The following AKAP7 variants were observed in gnomAD, a reference collection of about 807,000 sequenced individuals.
AKAP7 encodes A-kinase anchoring protein 7.
A neutral mutation model predicts 39.5 loss-of-function variants in AKAP7; 39 were observed. The ratio of observed to expected loss-of-function variants is 0.99; its 90% CI spans 0.76 to 1.29. The LOEUF is 1.29. Among genes scored for constraint, AKAP7 ranks in the 50% most tolerant of loss-of-function variants. The pLI is 0.00. For missense variants in AKAP7, 414 were observed against 407.7 expected (o/e 1.02, Z -0.13); for synonymous variants, 140 against 139.1 (o/e 1.01, Z -0.05).
chr6:131,223,156 A>G (rs1053114216), intron 7 of AKAP7, among the ~76,000 whole-genome samples: 2 of 152,256 alleles, frequency 1.3e-5, no homozygotes, highest in Non-Finnish European at 2.9e-5. Context: ...ATGTACTAGG[A>G]AACCAAAAAA....
intron 3 of AKAP7, among the ~76,000 whole-genome samples, chr6:131,163,852 C>G (rs923569799): frequency 6.6e-6 from 1 of 151,596 alleles, no homozygotes; most frequent in Non-Finnish European, 1.5e-5. Flanking sequence ...GGTTAGACAC[C>G]AAGGGTGGGG....
intron 7 of AKAP7, among the ~76,000 whole-genome samples, chr6:131,241,537 G>T (rs1299537883): frequency 3.3e-5 from 5 of 150,370 alleles, no homozygotes; most frequent in Non-Finnish European, 7.4e-5. Flanking sequence ...CCAATTAAGG[G>T]GCTTGTTGAG....
Position 131,160,157 on chromosome 6 carries a change from C to T in AKAP7, c.250C>T (p.Gln84Ter). 6.2e-7 allele frequency: 1 copy of T among 1,611,910 alleles called. No individual in the cohort carries two copies. The change falls in exon 3 of 8, where the codon CAA becomes TAA. Residue 84 changes from glutamine (Q) to a stop codon, truncating the protein, a stop_gained. Coordinates refer to ENST00000431975, the MANE Select transcript of AKAP7 (RefSeq NM_016377.4). LOFTEE classifies it high-confidence loss of function. The part of the protein sequence containing the change: ...KKRKKKRKDY[Q>*]PNYFLSIPIT... ...GAGGAAAAAAAAGAGAAAAGATTAT[C>T]AACCCAACTATTTCCTGTCCATTCC... is the stretch of plus-strand genomic sequence containing the variant.
intron 7 of AKAP7, among the ~76,000 whole-genome samples, chr6:131,245,260 T>C (rs1005045842): frequency 1.3e-5 from 2 of 150,704 alleles, no homozygotes; most frequent in African/African-American, 2.4e-5. Context: ...TTTTTTTTTT[T>C]CTTGAGATGG....
intron 2 of AKAP7, among the ~76,000 whole-genome samples, chr6:131,154,475 T>A (rs1041774848): frequency 1.3e-5 from 2 of 151,018 alleles, no homozygotes; most frequent in South Asian, 2.1e-4. Context: ...CCTGTTTTTT[T>A]TTTTTTTTTT....
intron 7 of AKAP7, among the ~76,000 whole-genome samples, chr6:131,270,178 A>G (rs1562256590): frequency 2.0e-5 from 3 of 152,188 alleles, no homozygotes; most frequent in Non-Finnish European, 4.4e-5. Flanking sequence ...CACAATCAAG[A>G]TTGTGAACAG....
At chr6:131,253,901 G>A (rs1463222234) in intron 7 of AKAP7, among the ~76,000 whole-genome samples, 2 of 151,952 alleles carry the variant, frequency 1.3e-5, no homozygotes, top group Non-Finnish European at 1.5e-5. Flanking sequence ...GGTTGATTCC[G>A]TATTTGGCTC....
intron 2 of AKAP7, among the ~76,000 whole-genome samples, chr6:131,150,690 A>G (rs1801842155): frequency 6.6e-6 from 1 of 152,216 alleles, no homozygotes; most frequent in African/African-American, 2.4e-5. Flanking sequence ...TGAGTGTGTT[A>G]TGTACCAGGT....
chr6:131,230,454 C>T (rs1376879379), intron 7 of AKAP7, among the ~76,000 whole-genome samples: 2 of 151,702 alleles, frequency 1.3e-5, no homozygotes, highest in Admixed American at 1.3e-4. Flanking sequence ...TTTTCTTTTA[C>T]GTGTTGATTT....
At chr6:131,250,213 C>G in intron 7 of AKAP7, 1 of 1,012,318 alleles carries the variant, frequency 9.9e-7, no homozygotes, top group Non-Finnish European at 1.2e-6. Flanking sequence ...TCTCGACTAC[C>G]TTTCTTAAAG....
intron 6 of AKAP7, among the ~76,000 whole-genome samples, chr6:131,219,309 T>A (rs1187735442): frequency 5.3e-5 from 8 of 150,194 alleles, no homozygotes; most frequent in Non-Finnish European, 1.0e-4. Context: ...AAAAAAAAAA[T>A]TATCCATTTC....
At chr6:131,179,813 G>A (rs182949867) in intron 5 of AKAP7, among the ~76,000 whole-genome samples, 251 of 151,912 alleles carry the variant, frequency 1.7e-3, no homozygotes, top group Middle Eastern at 6.8e-3. Context: ...AGGCTGCAGC[G>A]AGCTGTGAAT....
intron 7 of AKAP7, among the ~76,000 whole-genome samples, chr6:131,225,536 A>G (rs538198762): frequency 2.2e-4 from 33 of 152,332 alleles, no homozygotes; most frequent in African/African-American, 7.9e-4. Context: ...GGAACTTTAT[A>G]TATTAAGTGT....
At chr6:131,242,056 G>A (rs1015061934) in intron 7 of AKAP7, 2 of 981,492 alleles carry the variant, frequency 2.0e-6, no homozygotes, top group African/African-American at 3.5e-5. Context: ...CTTTGATATT[G>A]TATCTGACCG....
chr6:131,241,101 C>T (rs1811517135), intron 7 of AKAP7, among the ~76,000 whole-genome samples: 1 of 152,144 alleles, frequency 6.6e-6, no homozygotes, highest in African/African-American at 2.4e-5. Flanking sequence ...GAGCCATCAA[C>T]ATTTTTGGAG....
chr6:131,272,430 T>C (rs1814364230), intron 7 of AKAP7, among the ~76,000 whole-genome samples: 1 of 152,228 alleles, frequency 6.6e-6, no homozygotes, highest in African/African-American at 2.4e-5. Context: ...GGATCCTCTC[T>C]TCCTATGTTC....
intron 7 of AKAP7, among the ~76,000 whole-genome samples, chr6:131,257,992 G>T (rs573605324): frequency 4.6e-5 from 7 of 151,996 alleles, no homozygotes; most frequent in Non-Finnish European, 8.8e-5. Flanking sequence ...TTTTTTTGTT[G>T]CAGGGAAATT....
chr6:131,199,489 A>G lies in AKAP7; in HGVS notation c.618A>G (p.Lys206=). 6.2e-7 allele frequency: 1 copy of G among 1,606,900 alleles called. No individual in the cohort carries two copies. The highest frequency in any genetic ancestry group is 1.3e-5 in the African/African-American group (1 of 74,772). The part of the protein sequence containing the change: ...AETANRTFQE[K]GILVGESRSF... Reference sequence around the variant, plus strand: ...CTGCAAATAGGACATTTCAAGAAAAAGGCATCCTGGTAGGAGAGAGCAGAA... The same window carrying G: ...CTGCAAATAGGACATTTCAAGAAAAGGGCATCCTGGTAGGAGAGAGCAGAA... Residue 206 remains lysine (K), a synonymous_variant, in exon 6 of 8, where the codon AAA becomes AAG. Coordinates refer to ENST00000431975, the MANE Select transcript of AKAP7 (RefSeq NM_016377.4).
At chr6:131,263,627 T>G (rs1378302350) in intron 7 of AKAP7, among the ~76,000 whole-genome samples, 1 of 152,214 alleles carries the variant, frequency 6.6e-6, no homozygotes, top group Non-Finnish European at 1.5e-5. Context: ...GGTCACTTCT[T>G]AAAAGATCCA....
Sources: allele counts gnomAD v4.1 joint callset (sites outside exome capture counted in the v4.1 genomes callset), GRCh38; gene constraint gnomAD v4.1.1; transcripts MANE v1.5; gene names NCBI Gene and HGNC (gene_info 2026-07-23, HGNC 2026-07-21).